POP1: variants seen among roughly 807,000 people sequenced by gnomAD.
POP1 encodes the protein ribonucleases P/MRP protein subunit POP1.
Under a neutral mutation model 102.2 loss-of-function variants are expected in POP1, and 75 were observed. That is an observed-to-expected ratio of 0.73 (90% confidence interval 0.61 to 0.89). The LOEUF (loss-of-function observed/expected upper bound fraction) is 0.89, where lower values mean the gene tolerates loss of function less well. Among genes scored for constraint, POP1 ranks in the 40% least tolerant of loss-of-function variants. The pLI is 0.00. For synonymous variants in POP1, 436 were observed against 464.1 expected, an observed-to-expected ratio of 0.94 and a Z score of 0.78; for missense variants, 1,116 against 1,267.4, an observed-to-expected ratio of 0.88 and a Z score of 1.81.
chr8:98,138,587 T>C (rs560019345), intron 9 of POP1, among the ~76,000 whole-genome samples: 1 of 152,318 alleles, frequency 6.6e-6, no homozygotes, highest in South Asian at 2.1e-4. Context: ...TTTATTTATA[T>C]AGATTTGTGT....
chr8:98,154,877 T>C (rs1331674487), intron 14 of POP1, among the ~76,000 whole-genome samples: 2 of 152,206 alleles, frequency 1.3e-5, no homozygotes, highest in African/African-American at 4.8e-5. Context: ...GTAATCAAGA[T>C]ATTTTGTTAA....
chr8:98,154,917 CT>C (rs1468101252), intron 14 of POP1, among the ~76,000 whole-genome samples: 38 of 152,144 alleles, frequency 2.5e-4, no homozygotes, highest in African/African-American at 7.5e-4. Flanking sequence ...GCAAAAAGTA[CT>C]GTACCTAGTA....
chr8:98,126,203 G>T (rs13266661), intron 2 of POP1, among the ~76,000 whole-genome samples: 46,246 of 151,608 alleles, frequency 0.31, 7,892 homozygotes, highest in South Asian at 0.4. Flanking sequence ...TTTGAGTGTG[G>T]CAGAGAGTTA....
chr8:98,125,094 T>G lies in POP1; in HGVS notation c.142+1615T>G, dbSNP rs150636950. ...AAACCTCACAATGTTCTAAGATTTA[T>G]AGTGGCTTAATAATTAACACCACAA... On this transcript the variant is annotated intron_variant, in intron 2 of 15. Transcript: ENST00000401707. Among the ~76,000 whole-genome samples the G allele has an allele frequency of 2.7e-4, 41 of 152,256 alleles. No homozygotes were observed. The East Asian group carries it at 6.9e-3, about 26-fold the overall frequency.
At chr8:98,152,165 A>G (rs1355325606) in intron 14 of POP1, among the ~76,000 whole-genome samples, 1 of 152,158 alleles carries the variant, frequency 6.6e-6, no homozygotes, top group Non-Finnish European at 1.5e-5. Context: ...CTCCCATAGT[A>G]TGTAGTTGAG....
intron 7 of POP1, among the ~76,000 whole-genome samples, chr8:98,136,025 AAATTT>A (rs1276996047): frequency 4.8e-4 from 73 of 152,090 alleles, no homozygotes; most frequent in African/African-American, 1.7e-3. Flanking sequence ...TTTTGATGAT[AAATTT>A]AATTTAAGTT....
chr8:98,119,815 C>T (rs766281390), intron 1 of POP1, among the ~76,000 whole-genome samples: 4 of 152,182 alleles, frequency 2.6e-5, no homozygotes, highest in Non-Finnish European at 5.9e-5. Context: ...CTCAAGCAAT[C>T]CTCCCGCCTT....
At chr8:98,119,508 CA>C (rs1342779534) in intron 1 of POP1, among the ~76,000 whole-genome samples, 1 of 152,094 alleles carries the variant, frequency 6.6e-6, no homozygotes, top group Non-Finnish European at 1.5e-5. Context: ...AAAGGCAGCA[CA>C]TATTTAGTGC....
Position 98,127,683 on chromosome 8 carries a change from C to T in POP1, c.231C>T (p.Ser77=), listed in dbSNP as rs1412142458. Residue 77 remains serine, a synonymous_variant, in exon 3 of 16, where the codon TCC becomes TCT. Coordinates refer to ENST00000401707, the MANE Select transcript of POP1 (RefSeq NM_001145860.2). ...PDPEVNEQSS[S]KGMFRKKGGW... ...CTGAAGTGAATGAGCAGTCTTCCTCCAAAGGGATGTTTAGAAAAAAGGGAG... is the reference window on the plus strand; with the variant it reads ...CTGAAGTGAATGAGCAGTCTTCCTCTAAAGGGATGTTTAGAAAAAAGGGAG... 1.9e-6 allele frequency: 3 copies of T among 1,614,110 alleles called. No individual in the cohort carries two copies. Among genetic ancestry groups the T allele is most frequent in the Non-Finnish European group, 2.5e-6 (3 of 1,180,014 alleles).
At chr8:98,120,828 A>G (rs1815996848) in intron 1 of POP1, among the ~76,000 whole-genome samples, 1 of 152,070 alleles carries the variant, frequency 6.6e-6, no homozygotes, top group South Asian at 2.1e-4. Flanking sequence ...TTGTATTTTT[A>G]GTAGAGACGG....
intron 1 of POP1, among the ~76,000 whole-genome samples, chr8:98,122,044 G>A (rs1486313084): frequency 6.6e-6 from 1 of 151,700 alleles, no homozygotes; most frequent in Non-Finnish European, 1.5e-5. Flanking sequence ...GGCCAGGTTG[G>A]TCTCGGACTC....
chr8:98,137,070 C>A, intron 9 of POP1, 116 bp downstream of exon 9: 1 of 889,622 alleles, frequency 1.1e-6, no homozygotes, highest in Non-Finnish European at 1.8e-6. Flanking sequence ...ATGTTTATTT[C>A]CCTACTTATT....
chr8:98,138,843 A>G (rs946192945), intron 9 of POP1, among the ~76,000 whole-genome samples: 2 of 132,486 alleles, frequency 1.5e-5, no homozygotes, highest in Non-Finnish European at 3.2e-5. Flanking sequence ...CTTTGTTATG[A>G]TTGCTTTTTT....
rs1198271460 is a variant in POP1, at chr8:98,157,979, C to G, written c.2783C>G (p.Ser928Cys). ...EKRQKPGRAS[S>C]DGPAGEEPVA... Reference sequence around the variant, plus strand: ...AGGCAGAAGCCAGGACGTGCCTCTTCTGATGGCCCGGCGGGGGAAGAGCCC... The same window carrying G: ...AGGCAGAAGCCAGGACGTGCCTCTTGTGATGGCCCGGCGGGGGAAGAGCCC... Residue 928 changes from serine to cysteine, a missense_variant, in exon 16 of 16, where the codon TCT becomes TGT. By Grantham distance (112) the Ser-to-Cys change is moderately radical (BLOSUM62 -1). Transcript: ENST00000401707. 1 of 1,613,260 alleles carries G rather than the reference C, an allele frequency of 6.2e-7. No homozygotes were observed. Among genetic ancestry groups the G allele is most frequent in the Non-Finnish European group, 8.5e-7 (1 of 1,180,056 alleles).
intron 5 of POP1, among the ~76,000 whole-genome samples, chr8:98,131,304 T>G (rs1208729608): frequency 6.6e-6 from 1 of 152,224 alleles, no homozygotes; most frequent in African/African-American, 2.4e-5. Flanking sequence ...CTATTGTCTA[T>G]CCAATAATTT....
At chr8:98,144,370 G>T (rs1225226855) in intron 11 of POP1, among the ~76,000 whole-genome samples, 2 of 151,828 alleles carry the variant, frequency 1.3e-5, no homozygotes, top group Non-Finnish European at 2.9e-5. Flanking sequence ...TGAACTCCCG[G>T]GCTCAAGCGA....
intron 5 of POP1, among the ~76,000 whole-genome samples, chr8:98,132,931 A>AAAAAG (rs61354768): frequency 1.1e-5 from 1 of 90,532 alleles, no homozygotes; most frequent in African/African-American, 4.2e-5. Flanking sequence ...AAAAAAAAAA[A>AAAAAG]TCTGGGTGTG....
chr8:98,158,106 A>T lies in POP1; in HGVS notation c.2910A>T (p.Gly970=), dbSNP rs376320728. ...SRTLLGFVTQ[G]DFSMAVGCGE... is the part of the protein sequence containing the mutation. ...CTCTCCTAGGCTTTGTGACTCAGGG[A>T]GATTTTTCCATGGCTGTTGGCTGTG... The change falls in exon 16 of 16, where the codon GGA becomes GGT. Residue 970 remains glycine, a synonymous_variant. Coordinates refer to ENST00000401707, the MANE Select transcript of POP1 (RefSeq NM_001145860.2). 5.9e-5 allele frequency: 94 copies of T among 1,605,266 alleles called. No homozygotes were observed. Among genetic ancestry groups the T allele is most frequent in the Middle Eastern group, 3.3e-4 (2 of 6,018 alleles).
intron 1 of POP1, among the ~76,000 whole-genome samples, chr8:98,121,859 AT>A (rs1049109841): frequency 1.3e-5 from 2 of 150,836 alleles, no homozygotes; most frequent in African/African-American, 4.9e-5. Context: ...ATTTTTTTGT[AT>A]TTTTTTAGTA....
Sources: allele counts gnomAD v4.1 joint callset (sites outside exome capture counted in the v4.1 genomes callset), GRCh38; gene constraint gnomAD v4.1.1; transcripts MANE v1.5; gene names NCBI Gene and HGNC (gene_info 2026-07-23, HGNC 2026-07-21).